SGCZ: variants seen among roughly 807,000 people sequenced by gnomAD.
The protein encoded by SGCZ is zeta-sarcoglycan.
SGCZ carries 40 observed loss-of-function variants against 41.3 expected under a neutral mutation model. That is an observed-to-expected ratio of 0.97 (90% CI 0.75 to 1.26). The LOEUF is 1.26. Among genes scored for constraint, SGCZ ranks in the 50% most tolerant of loss-of-function variants. The probability of loss-of-function intolerance (pLI) is 0.00; values close to 1 mark genes in which losing one functional copy is unlikely to be tolerated. For synonymous variants in SGCZ, 206 were observed against 137.5 expected, an observed-to-expected ratio of 1.50 and a Z score of -3.49; for missense variants, 552 against 369.8, an observed-to-expected ratio of 1.49 and a Z score of -4.04.
At chr8:15,185,703 A>T (rs1240167785) in intron 1 of SGCZ, among the ~76,000 whole-genome samples, 1 of 152,120 alleles carries the variant, frequency 6.6e-6, no homozygotes, top group Non-Finnish European at 1.5e-5. Flanking sequence ...CATCCTGAAG[A>T]CTACATGAAG....
chr8:14,650,784 G>T (rs34040031), intron 1 of SGCZ, among the ~76,000 whole-genome samples: 3 of 151,730 alleles, frequency 2.0e-5, no homozygotes, highest in East Asian at 1.9e-4. Flanking sequence ...TACCTACTCC[G>T]GCTCGTTCAT....
At chr8:14,226,710 C>A (rs1351158731) in intron 4 of SGCZ, among the ~76,000 whole-genome samples, 4 of 152,014 alleles carry the variant, frequency 2.6e-5, no homozygotes, top group Non-Finnish European at 5.9e-5. Context: ...TTAACTTGGG[C>A]AATCACCTAG....
At chr8:14,644,763 C>T (rs555422971) in intron 1 of SGCZ, among the ~76,000 whole-genome samples, 2 of 151,734 alleles carry the variant, frequency 1.3e-5, no homozygotes, top group African/African-American at 2.4e-5. Flanking sequence ...GTACTTCTTA[C>T]GTAGCTAACA....
intron 1 of SGCZ, among the ~76,000 whole-genome samples, chr8:15,139,728 T>C (rs1808251160): frequency 1.3e-5 from 2 of 152,056 alleles, no homozygotes; most frequent in Non-Finnish European, 2.9e-5. Context: ...CTGTACATCC[T>C]ACATATCTAC....
intron 1 of SGCZ, among the ~76,000 whole-genome samples, chr8:15,068,371 G>C (rs903992420): frequency 2.0e-5 from 3 of 152,290 alleles, no homozygotes; most frequent in Middle Eastern, 6.8e-3. Flanking sequence ...TAAGCATTTA[G>C]AATTTAGAGT....
intron 1 of SGCZ, among the ~76,000 whole-genome samples, chr8:14,753,602 G>C (rs958479149): frequency 1.3e-5 from 2 of 152,190 alleles, no homozygotes; most frequent in African/African-American, 4.8e-5. Context: ...CACTTCCTCA[G>C]AGGAGGCATG....
At chr8:14,525,067 T>TA (rs1289672453) in intron 2 of SGCZ, among the ~76,000 whole-genome samples, 2 of 151,808 alleles carry the variant, frequency 1.3e-5, no homozygotes, top group Non-Finnish European at 2.9e-5. Flanking sequence ...ATGATGATGA[T>TA]GATAGATAGA....
chr8:14,759,549 A>T (rs1174628702), intron 1 of SGCZ, among the ~76,000 whole-genome samples: 1 of 152,194 alleles, frequency 6.6e-6, no homozygotes, highest in Non-Finnish European at 1.5e-5. Flanking sequence ...GACATGGAGT[A>T]AACAGTCTCT....
intron 3 of SGCZ, among the ~76,000 whole-genome samples, chr8:14,252,949 C>A (rs1799333775): frequency 6.6e-6 from 1 of 152,094 alleles, no homozygotes; most frequent in South Asian, 2.1e-4. Flanking sequence ...TAACTTAAGG[C>A]ATAGCTAGGT....
At chr8:14,754,878 C>T (rs1330445864) in intron 1 of SGCZ, among the ~76,000 whole-genome samples, 1 of 152,034 alleles carries the variant, frequency 6.6e-6, no homozygotes, top group Admixed American at 6.6e-5. Context: ...TGCACCACCA[C>T]ACCCAGCTTA....
rs185191996 is a variant in SGCZ at position 14,699,180 on chromosome 8, C to T, written c.40-144254G>A. Among the ~76,000 whole-genome samples, 249 of 150,320 alleles carry T rather than the reference C, an allele frequency of 1.7e-3. 2 individuals are homozygous for T. The highest frequency in any genetic ancestry group is 5.9e-3 in the African/African-American group (242 of 41,126). The stretch of plus-strand genomic sequence containing the variant: ...GAGGGTATATAAATATGTATATACA[C>T]ACACATATATACACATATATAATTT... On this transcript the variant is annotated intron_variant, in intron 1 of 7. Transcript: ENST00000382080.
chr8:14,129,089 G>T (rs1228343068), intron 5 of SGCZ, among the ~76,000 whole-genome samples: 1 of 152,086 alleles, frequency 6.6e-6, no homozygotes, highest in Non-Finnish European at 1.5e-5. Context: ...GCTCATGCCT[G>T]TAATCCCAGC....
At chr8:14,433,433 G>C (rs1021275843) in intron 2 of SGCZ, among the ~76,000 whole-genome samples, 2 of 152,088 alleles carry the variant, frequency 1.3e-5, no homozygotes, top group African/African-American at 4.8e-5. Context: ...CTAAAACTAG[G>C]TTATATGCAA....
rs578113666 is a variant in SGCZ at position 14,115,859 on chromosome 8, A to C, written c.548-7624T>G. Among the ~76,000 whole-genome samples the C allele has an allele frequency of 2.6e-5, 4 of 152,008 alleles. No individual in the cohort carries two copies. The East Asian group carries it at 5.8e-4, about 22-fold the overall frequency. On this transcript the variant is annotated intron_variant, in intron 5 of 7. Transcript: ENST00000382080. ...ATCTTTTTTCCTTATTTTATTCTTC[A>C]AGCTCTTCACCACTATTTAGATTAC...
Position 14,088,539 on chromosome 8 carries a change from TATTAA to T in SGCZ, c.*1899_*1903del, listed in dbSNP as rs748521622. 1.3e-5 allele frequency among the ~76,000 whole-genome samples: 2 copies of T among 152,018 alleles called. No individual in the cohort carries two copies. Among genetic ancestry groups the T allele is most frequent in the Middle Eastern group, 3.4e-3 (1 of 294 alleles). Reference sequence around the variant, plus strand: ...GCAAAGACCAATGTGAGATTTCTTATATTAAATTCTCTTATTTTAATATAAATTAA... The same window carrying T: ...GCAAAGACCAATGTGAGATTTCTTATATTCTCTTATTTTAATATAAATTAA... On this transcript the variant is annotated 3_prime_UTR_variant, in exon 8 of 8. Coordinates refer to ENST00000382080, the MANE Select transcript of SGCZ (RefSeq NM_139167.4).
At chr8:14,978,793 C>T (rs1007736356) in intron 1 of SGCZ, among the ~76,000 whole-genome samples, 12 of 124,402 alleles carry the variant, frequency 9.6e-5, no homozygotes, top group African/African-American at 2.6e-4. Context: ...TCAGAGTTTA[C>T]AATTTTTTGT....
At chr8:15,154,207 C>T (rs12548503) in intron 1 of SGCZ, among the ~76,000 whole-genome samples, 32,238 of 152,114 alleles carry the variant, frequency 0.21, 3,806 homozygotes, top group East Asian at 0.47. Flanking sequence ...CAAAGACAAC[C>T]TAACACAGTC....
At chr8:14,138,419 G>C (rs921048207) in intron 5 of SGCZ, among the ~76,000 whole-genome samples, 1 of 151,856 alleles carries the variant, frequency 6.6e-6, no homozygotes. Context: ...AGACCCATCA[G>C]TGTGCTGTAT....
chr8:14,134,996 T>G (rs1171690986), intron 5 of SGCZ, among the ~76,000 whole-genome samples: 2 of 152,204 alleles, frequency 1.3e-5, no homozygotes, highest in Non-Finnish European at 2.9e-5. Flanking sequence ...TATAGATACC[T>G]TCACACTATC....
Sources: gnomAD v4.1 joint callset for allele counts (sites outside exome capture counted in the v4.1 genomes callset) on GRCh38, gnomAD v4.1.1 for gene constraint, MANE v1.5 for transcripts, NCBI Gene and HGNC (gene_info 2026-07-23, HGNC 2026-07-21) for gene names.